ACOXL: variants seen among roughly 807,000 people sequenced by gnomAD.
ACOXL encodes acyl-CoA oxidase like.
A neutral mutation model predicts 71.9 loss-of-function variants in ACOXL; 70 were observed. The observed-to-expected ratio is 0.97, with a 90% CI of 0.80 to 1.19. The LOEUF (loss-of-function observed/expected upper bound fraction) is 1.19, where lower values mean the gene tolerates loss of function less well. Ranked by LOEUF, ACOXL falls within the 50% of genes most tolerant of loss-of-function variation. The pLI is 0.00. For synonymous variants in ACOXL, 253 were observed against 281.6 expected (o/e 0.90, Z 1.02); for missense variants, 703 against 736.3 (o/e 0.95, Z 0.52).
chr2:111,078,077 G>T (rs1268694475), intron 16 of ACOXL, among the ~76,000 whole-genome samples: 2 of 152,070 alleles, frequency 1.3e-5, no homozygotes, highest in East Asian at 3.9e-4. Context: ...GGTCCCTGGG[G>T]CTCTCTTTTT....
intron 1 of ACOXL, among the ~76,000 whole-genome samples, chr2:110,754,924 T>C (rs1679470395): frequency 6.6e-6 from 1 of 152,194 alleles, no homozygotes; most frequent in South Asian, 2.1e-4. Context: ...AGAGTTCCAT[T>C]TTACACTCCT....
chr2:110,750,106 G>A (rs1237821801), intron 1 of ACOXL, among the ~76,000 whole-genome samples: 1 of 152,146 alleles, frequency 6.6e-6, no homozygotes, highest in African/African-American at 2.4e-5. Context: ...TTTCTCCACT[G>A]TACAGTTACC....
At chr2:111,067,965 A>G (rs929459158) in intron 16 of ACOXL, among the ~76,000 whole-genome samples, 22 of 152,158 alleles carry the variant, frequency 1.4e-4, no homozygotes, top group Admixed American at 5.9e-4. Context: ...CCTGTGTGCC[A>G]TGATGCTGCC....
At chr2:110,868,051 A>G (rs1694828223) in intron 10 of ACOXL, among the ~76,000 whole-genome samples, 1 of 152,208 alleles carries the variant, frequency 6.6e-6, no homozygotes, top group South Asian at 2.1e-4. Context: ...GCAAGCCACC[A>G]CGCCCGGCCA....
In ACOXL at chr2:111,047,552, C is replaced by A. The variant is rs140172602; in HGVS notation, c.1370-1666C>A. On this transcript the variant is annotated intron_variant, in intron 15 of 17. Transcript: ENST00000439055. ...CACCAAATCAGATCACAGCAAAAGT[C>A]CAAAACTGAGGACGGAGTTGAGGGA... is the stretch of plus-strand genomic sequence containing the variant. Among the ~76,000 whole-genome samples, 550 of 152,254 alleles carry A rather than the reference C, an allele frequency of 3.6e-3. 2 individuals carry two copies. Among genetic ancestry groups the A allele is most frequent in the African/African-American group, 0.013 (521 of 41,536 alleles).
intron 9 of ACOXL, among the ~76,000 whole-genome samples, chr2:110,814,260 C>T (rs1687668940): frequency 6.6e-6 from 1 of 152,144 alleles, no homozygotes; most frequent in Non-Finnish European, 1.5e-5. Context: ...TTTTTAGTGG[C>T]ACTGCCGACT....
intron 10 of ACOXL, among the ~76,000 whole-genome samples, chr2:110,885,390 T>C (rs1697155783): frequency 6.6e-6 from 1 of 152,208 alleles, no homozygotes; most frequent in Non-Finnish European, 1.5e-5. Context: ...TTCCCATAAT[T>C]AATCCCTGTA....
chr2:110,905,896 C>T (rs1243768735), intron 10 of ACOXL, among the ~76,000 whole-genome samples: 1 of 152,204 alleles, frequency 6.6e-6, no homozygotes, highest in Non-Finnish European at 1.5e-5. Context: ...TCTGTCAGCA[C>T]AGGGAGAGGC....
At chr2:110,873,429 G>C (rs750037401) in intron 10 of ACOXL, among the ~76,000 whole-genome samples, 1 of 152,200 alleles carries the variant, frequency 6.6e-6, no homozygotes, top group South Asian at 2.1e-4. Context: ...ACAGGATGCC[G>C]TGAGCCCCAG....
At chr2:110,930,359 G>A (rs2060434761) in intron 11 of ACOXL, among the ~76,000 whole-genome samples, 1 of 152,246 alleles carries the variant, frequency 6.6e-6, no homozygotes, top group Non-Finnish European at 1.5e-5. Context: ...ATTTGGAACA[G>A]CTGTATTTAC....
In ACOXL at chr2:110,899,249, G is replaced by A. The variant is rs962816667; in HGVS notation, c.789-9540G>A. Among the ~76,000 whole-genome samples, 8 of 152,334 alleles carry A rather than the reference G, an allele frequency of 5.3e-5. No homozygotes were observed. The South Asian group carries it at 1.2e-3, about 24-fold the overall frequency. On this transcript the variant is annotated intron_variant, in intron 10 of 17. Coordinates refer to ENST00000439055, the MANE Select transcript of ACOXL (RefSeq NM_001142807.4). ...TTTCCATTGCCAAGAGCAGTCTAAGGTCAACTTGGAGCATTAAGAAATGGA... is the reference window on the plus strand; with the variant it reads ...TTTCCATTGCCAAGAGCAGTCTAAGATCAACTTGGAGCATTAAGAAATGGA...
At chr2:111,010,212 C>T (rs1408477018) in intron 14 of ACOXL, among the ~76,000 whole-genome samples, 1 of 151,760 alleles carries the variant, frequency 6.6e-6, no homozygotes, top group Non-Finnish European at 1.5e-5. Context: ...GTAGGTGGAA[C>T]ATATGAATAA....
chr2:110,830,184 A>C (rs1343312737), intron 9 of ACOXL, among the ~76,000 whole-genome samples: 1 of 152,228 alleles, frequency 6.6e-6, no homozygotes, highest in Non-Finnish European at 1.5e-5. Context: ...AAGCACTTAC[A>C]TCAAACATTA....
At chr2:110,775,936 G>T (rs1438932254) in intron 2 of ACOXL, among the ~76,000 whole-genome samples, 1 of 152,114 alleles carries the variant, frequency 6.6e-6, no homozygotes, top group Admixed American at 6.5e-5. Flanking sequence ...TGAAAGCAAG[G>T]GCTCAGAGAG....
Position 110,794,113 on chromosome 2 carries a change from G to T in ACOXL, c.284G>T (p.Arg95Met), listed in dbSNP as rs373516630. Residue 95 changes from arginine (R) to methionine (M), a missense_variant, in exon 5 of 18, where the codon AGG (arginine) becomes ATG (methionine). Arg to Met is a moderately conservative substitution (Grantham distance 91). Coordinates refer to ENST00000439055, the MANE Select transcript of ACOXL (RefSeq NM_001142807.4). The part of the protein sequence containing the change: ...KYTGMFAMTE[R>M]GHGSNARGIQ... ...ACTGGGATGTTTGCAATGACCGAGA[G>T]GGGCCATGGGAGCAACGCGAGAGGG... 5.0e-6 allele frequency: 8 copies of T among 1,614,084 alleles called. No individual in the cohort carries two copies. The highest frequency in any genetic ancestry group is 2.7e-5 in the African/African-American group (2 of 74,928).
intron 12 of ACOXL, among the ~76,000 whole-genome samples, chr2:110,962,523 G>A (rs2061739188): frequency 6.6e-6 from 1 of 152,214 alleles, no homozygotes; most frequent in Non-Finnish European, 1.5e-5. Flanking sequence ...ATGAGGGAAA[G>A]GTGGCCGGGC....
intron 11 of ACOXL, among the ~76,000 whole-genome samples, chr2:110,927,659 G>A (rs1473849372): frequency 1.3e-5 from 2 of 152,182 alleles, no homozygotes; most frequent in Admixed American, 1.3e-4. Context: ...TCATTGCACT[G>A]TTACTTTTGG....
intron 10 of ACOXL, among the ~76,000 whole-genome samples, chr2:110,844,530 C>CT (rs368774128): frequency 2.4e-3 from 358 of 147,322 alleles, no homozygotes; most frequent in African/African-American, 6.9e-3. Context: ...TTTGACTCTT[C>CT]TTTTTTTTTC....
At position 111,049,660 on chromosome 2, in the gene ACOXL, G is replaced by A. The variant is rs112796888; in HGVS notation, c.1440+372G>A. The stretch of plus-strand genomic sequence containing the variant: ...TTAATTAAGACAAAGGATTCCATAC[G>A]TTCCCAGTCTGCTGCTTCCTACTTT... On this transcript the variant is annotated intron_variant, in intron 16 of 17. Coordinates refer to ENST00000439055, the MANE Select transcript of ACOXL (RefSeq NM_001142807.4). 1.9e-3 allele frequency among the ~76,000 whole-genome samples: 285 copies of A among 152,216 alleles called. 2 individuals are homozygous for A. The highest frequency in any genetic ancestry group is 5.9e-3 in the Admixed American group (90 of 15,304).
Sources: allele counts gnomAD v4.1 joint callset (sites outside exome capture counted in the v4.1 genomes callset), GRCh38; gene constraint gnomAD v4.1.1; transcripts MANE v1.5; gene names NCBI Gene and HGNC (gene_info 2026-07-23, HGNC 2026-07-21).